Variants in TLE1 observed in about 807,000 individuals in gnomAD.
TLE1 encodes the protein TLE family member 1, transcriptional corepressor.
TLE1 carries 21 observed loss-of-function variants against 89.8 expected under a neutral mutation model. The ratio of observed to expected loss-of-function variants is 0.23; its 90% CI spans 0.17 to 0.34. The LOEUF (loss-of-function observed/expected upper bound fraction) is 0.34. Ranked by LOEUF, TLE1 falls within the 10% of genes least tolerant of loss-of-function variation. TLE1 has a pLI of 1.00. For synonymous variants in TLE1, 447 were observed against 407.6 expected (o/e 1.10, Z -1.16); for missense variants, 795 against 1,031.2 (o/e 0.77, Z 3.14).
chr9:81,594,588 T>C (rs1450660295), intron 14 of TLE1, among the ~76,000 whole-genome samples: 1 of 152,120 alleles, frequency 6.6e-6, no homozygotes, highest in Middle Eastern at 3.2e-3. Context: ...AGACCACTAC[T>C]TCCACTTTCT....
intron 14 of TLE1, among the ~76,000 whole-genome samples, chr9:81,605,112 C>T (rs1185013011): frequency 6.6e-6 from 1 of 152,162 alleles, no homozygotes; most frequent in Non-Finnish European, 1.5e-5. Flanking sequence ...CTGTGCCTTC[C>T]GTCTGCCTCA....
intron 6 of TLE1, among the ~76,000 whole-genome samples, chr9:81,647,342 G>A (rs896904068): frequency 2.4e-4 from 37 of 152,152 alleles, no homozygotes; most frequent in African/African-American, 7.0e-4. Flanking sequence ...ATGTCTTCAC[G>A]TTTTTGCTCT....
intron 4 of TLE1, among the ~76,000 whole-genome samples, chr9:81,674,684 G>C (rs1428716072): frequency 2.0e-5 from 3 of 152,216 alleles, no homozygotes; most frequent in Admixed American, 2.0e-4. Context: ...AAAGAGAGGA[G>C]GACTTTGTAA....
At chr9:81,593,362 A>T (rs535046141) in intron 14 of TLE1, 88 bp from the exon 15 acceptor site, 2 of 1,432,416 alleles carry the variant, frequency 1.4e-6, no homozygotes, top group South Asian at 1.5e-5. Context: ...GACTATGAAA[A>T]AGATGAAAAA....
rs1834720542 is a variant in TLE1, at chr9:81,689,075, C to T, written c.-835G>A. Reference sequence around the variant, plus strand: ...CCCGGGGAGCATCAGGGCGCCGCGCCTCGGGCGCACTCGCCCTGCACGGCC... The same window carrying T: ...CCCGGGGAGCATCAGGGCGCCGCGCTTCGGGCGCACTCGCCCTGCACGGCC... On this transcript the variant is annotated 5_prime_UTR_variant, in exon 1 of 20. Coordinates refer to ENST00000376499, the MANE Select transcript of TLE1 (RefSeq NM_005077.5). 6.6e-6 allele frequency: 1 copy of T among 152,256 alleles called. No individual in the cohort carries two copies. Among genetic ancestry groups the T allele is most frequent in the Admixed American group, 6.5e-5 (1 of 15,288 alleles). 9.4% of individuals were successfully genotyped at this position (152,256 alleles called of 1,614,324 possible).
chr9:81,667,419 A>G (rs577506221), intron 4 of TLE1, among the ~76,000 whole-genome samples: 3 of 151,826 alleles, frequency 2.0e-5, no homozygotes, highest in African/African-American at 7.2e-5. Context: ...GCAAAAATCA[A>G]GTTACCTCTG....
chr9:81,586,633 A>G (rs1336517932), intron 17 of TLE1, among the ~76,000 whole-genome samples: 1 of 152,184 alleles, frequency 6.6e-6, no homozygotes. Flanking sequence ...AAAATAATCC[A>G]GTGTCTGGGG....
rs1180836273 is a variant in TLE1 at position 81,634,115 on chromosome 9, C to A, written c.559G>T (p.Asp187Tyr). ...LAIKDDKKHH[D>Y]AEHHRDREPG... ...CTCTCACCTCTGTGGTGCTCTGCAT[C>A]GTGGTGCTTCTTGTCATCTTTTATT... The change falls in exon 7 of 20, where the codon GAT (aspartate) becomes TAT (tyrosine). Residue 187 changes from aspartate to tyrosine, a missense_variant. Asp to Tyr is a radical substitution (Grantham distance 160). Around this residue, in one of 4 missense-constraint regions of TLE1, gnomAD observed 468 missense variants for 509.1 expected, o/e 0.92. Coordinates refer to ENST00000376499, the MANE Select transcript of TLE1 (RefSeq NM_005077.5). 6.2e-7 allele frequency: 1 copy of A among 1,608,910 alleles called. No homozygotes were observed. Among genetic ancestry groups the A allele is most frequent in the Non-Finnish European group, 8.5e-7 (1 of 1,177,380 alleles).
chr9:81,630,649 C>A (rs1196860403), intron 8 of TLE1, among the ~76,000 whole-genome samples: 1 of 152,162 alleles, frequency 6.6e-6, no homozygotes, highest in African/African-American at 2.4e-5. Context: ...TGGCCTGTAG[C>A]AACCACCCTT....
In TLE1 at chr9:81,633,334, G is replaced by A. The variant is rs376814117; in HGVS notation, c.594+14C>T. 4.6e-5 allele frequency: 74 copies of A among 1,604,452 alleles called. No homozygotes were observed. Among genetic ancestry groups the A allele is most frequent in the Middle Eastern group, 3.4e-4 (2 of 5,930 alleles). On this transcript the variant is annotated intron_variant, in intron 8 of 19. Coordinates refer to ENST00000376499, the MANE Select transcript of TLE1 (RefSeq NM_005077.5). ...GTGTGTGTGTGTGTGTGCAGCAGGCGTTTGAGTACTTACTGTGCCCGGCTC... is the reference window on the plus strand; with the variant it reads ...GTGTGTGTGTGTGTGTGCAGCAGGCATTTGAGTACTTACTGTGCCCGGCTC...
At chr9:81,628,895 T>C (rs947272527) in intron 8 of TLE1, among the ~76,000 whole-genome samples, 18 of 152,140 alleles carry the variant, frequency 1.2e-4, no homozygotes, top group African/African-American at 3.9e-4. Context: ...TGATGAGTTA[T>C]AGTCTCTCCC....
At chr9:81,653,631 A>G (rs1374507336) in intron 5 of TLE1, among the ~76,000 whole-genome samples, 1 of 152,214 alleles carries the variant, frequency 6.6e-6, no homozygotes, top group Non-Finnish European at 1.5e-5. Flanking sequence ...ACCATTTTTA[A>G]AAGTCAGTAT....
chr9:81,587,606 A>T, intron 17 of TLE1, 75 bp downstream of exon 17: 2 of 1,491,826 alleles, frequency 1.3e-6, no homozygotes. Flanking sequence ...AGGGTAAAGG[A>T]GGGAGGGTTG....
At chr9:81,599,786 G>A (rs1327734554) in intron 14 of TLE1, 1 of 285,206 alleles carries the variant, frequency 3.5e-6, no homozygotes, top group Non-Finnish European at 6.5e-6. Flanking sequence ...TTGGAAGACA[G>A]CATTTCTGTG....
chr9:81,612,426 G>A (rs1378760518), intron 12 of TLE1: 3 of 935,976 alleles, frequency 3.2e-6, no homozygotes, highest in Non-Finnish European at 3.8e-6. Context: ...ACGGGTTTAG[G>A]AGGAATATTC....
At chr9:81,595,667 A>T (rs1811406586) in intron 14 of TLE1, among the ~76,000 whole-genome samples, 1 of 151,968 alleles carries the variant, frequency 6.6e-6, no homozygotes, top group Non-Finnish European at 1.5e-5. Context: ...AAATACAAAA[A>T]AATCAGCCGG....
At chr9:81,602,404 T>C (rs1831060694) in intron 14 of TLE1, among the ~76,000 whole-genome samples, 1 of 152,150 alleles carries the variant, frequency 6.6e-6, no homozygotes, top group Non-Finnish European at 1.5e-5. Context: ...TACATATACA[T>C]AAATGAGTCA....
intron 14 of TLE1, among the ~76,000 whole-genome samples, chr9:81,598,403 C>A (rs1168234643): frequency 6.6e-6 from 1 of 152,164 alleles, no homozygotes; most frequent in East Asian, 1.9e-4. Flanking sequence ...CTTGATGATT[C>A]TTTCCCAGGG....
At chr9:81,638,145 C>T (rs1430105471) in intron 6 of TLE1, among the ~76,000 whole-genome samples, 1 of 152,168 alleles carries the variant, frequency 6.6e-6, no homozygotes, top group Non-Finnish European at 1.5e-5. Flanking sequence ...CACCAACAGG[C>T]CTAATGGCAG....
Sources: allele counts gnomAD v4.1 joint callset (sites outside exome capture counted in the v4.1 genomes callset), GRCh38; gene constraint gnomAD v4.1.1; regional missense constraint gnomAD v4.1.1; transcripts MANE v1.5; gene names NCBI Gene and HGNC (gene_info 2026-07-23, HGNC 2026-07-21).